Variants in TDRD3 observed in about 807,000 individuals in gnomAD.
TDRD3 encodes tudor domain-containing protein 3.
Under a neutral mutation model 86.7 loss-of-function variants are expected in TDRD3, and 45 were observed. The observed-to-expected ratio is 0.52, with a 90% CI of 0.41 to 0.67. The LOEUF (loss-of-function observed/expected upper bound fraction) is 0.67, where lower values mean the gene tolerates loss of function less well. TDRD3 is among the 30% of genes least tolerant of loss of function. The pLI is 0.00. For synonymous variants in TDRD3, 298 were observed against 301.7 expected, an observed-to-expected ratio of 0.99 and a Z score of 0.13; for missense variants, 814 against 889.0, an observed-to-expected ratio of 0.92 and a Z score of 1.07.
intron 8 of TDRD3, among the ~76,000 whole-genome samples, chr13:60,505,066 C>G (rs61968680): frequency 6.6e-6 from 1 of 152,106 alleles, no homozygotes; most frequent in African/African-American, 2.4e-5. Flanking sequence ...ACCCCAGTGA[C>G]GCCTGGAATG....
intron 8 of TDRD3, among the ~76,000 whole-genome samples, chr13:60,502,683 C>T (rs1956858735): frequency 6.6e-6 from 1 of 152,062 alleles, no homozygotes; most frequent in African/African-American, 2.4e-5. Flanking sequence ...CCAGGAGCTC[C>T]TGGTCCTGTT....
chr13:60,470,236 A>G (rs1439597140), intron 5 of TDRD3, among the ~76,000 whole-genome samples: 2 of 152,180 alleles, frequency 1.3e-5, no homozygotes, highest in African/African-American at 4.8e-5. Flanking sequence ...AAGGTTGGAT[A>G]GTACTCTATA....
chr13:60,556,081 C>T (rs1351981052), intron 12 of TDRD3, among the ~76,000 whole-genome samples: 1 of 152,058 alleles, frequency 6.6e-6, no homozygotes, highest in Non-Finnish European at 1.5e-5. Context: ...CTCCTGACCT[C>T]GTGATCTGCC....
chr13:60,416,224 A>AT lies in TDRD3; in HGVS notation c.41+18824dup, dbSNP rs574638034. Among the ~76,000 whole-genome samples, 271 of 152,292 alleles carry AT rather than the reference A, an allele frequency of 1.8e-3. 1 individual carries two copies. The highest frequency in any genetic ancestry group is 3.3e-3 in the Admixed American group (50 of 15,296). On this transcript the variant is annotated intron_variant, in intron 1 of 13. Coordinates refer to ENST00000377881, the MANE Select transcript of TDRD3 (RefSeq NM_001146070.2). ...GTTTCTCTAAGTGTAAAGTGTAAAG[A>AT]TTTTTAGAGGAAGATGTGGAAGTAC...
chr13:60,448,437 T>A (rs1336308990), intron 3 of TDRD3, among the ~76,000 whole-genome samples: 1 of 152,170 alleles, frequency 6.6e-6, no homozygotes. Context: ...GCTCAGGTTC[T>A]TTTCTCTTTC....
intron 1 of TDRD3, among the ~76,000 whole-genome samples, chr13:60,420,649 A>G (rs1299539474): frequency 6.6e-6 from 1 of 152,118 alleles, no homozygotes; most frequent in African/African-American, 2.4e-5. Flanking sequence ...TTGATTGAAA[A>G]TCTGTTGACC....
At chr13:60,467,771 T>G (rs1449383297) in intron 5 of TDRD3, among the ~76,000 whole-genome samples, 5 of 152,246 alleles carry the variant, frequency 3.3e-5, no homozygotes, top group Non-Finnish European at 7.3e-5. Flanking sequence ...AGAATTTCAC[T>G]GTAATGGAGG....
At chr13:60,447,585 C>G (rs1274680369) in intron 3 of TDRD3, among the ~76,000 whole-genome samples, 1 of 152,058 alleles carries the variant, frequency 6.6e-6, no homozygotes, top group Non-Finnish European at 1.5e-5. Context: ...GAGAGATCTT[C>G]AAGGGGATTC....
intron 12 of TDRD3, among the ~76,000 whole-genome samples, chr13:60,563,597 T>A (rs1958387017): frequency 6.6e-6 from 1 of 152,196 alleles, no homozygotes; most frequent in Non-Finnish European, 1.5e-5. Context: ...CTCTACCCAT[T>A]AGAGGGAATA....
In TDRD3 at chr13:60,509,667, G is replaced by A. The variant is rs1030145646; in HGVS notation, c.859-96G>A. ...GAATGACATTTTTACATAAGTATGG[G>A]ATGTAATTTTTAGTTAAAAGACAGT... On this transcript the variant is annotated intron_variant, in intron 8 of 13. Transcript: ENST00000377881. 3.6e-6 allele frequency: 5 copies of A among 1,407,284 alleles called. No homozygotes were observed. The South Asian group carries it at 4.9e-5, about 14-fold the overall frequency. The allele number at this position is 1,407,284 out of a possible 1,614,324, so 87.2% of individuals were successfully genotyped here. A position where few individuals can be genotyped will look rare whatever the true frequency, so the allele number is the denominator to read the frequency against.
chr13:60,436,506 C>T (rs1372418886), intron 1 of TDRD3, among the ~76,000 whole-genome samples: 1 of 152,032 alleles, frequency 6.6e-6, no homozygotes, highest in African/African-American at 2.4e-5. Flanking sequence ...GCCAGTTTTC[C>T]CAGCACCATT....
At chr13:60,559,479 T>A (rs1352772295) in intron 12 of TDRD3, among the ~76,000 whole-genome samples, 1 of 152,198 alleles carries the variant, frequency 6.6e-6, no homozygotes, top group Non-Finnish European at 1.5e-5. Flanking sequence ...TACACATTTT[T>A]AAAAATTATA....
intron 1 of TDRD3, among the ~76,000 whole-genome samples, chr13:60,437,421 C>T (rs1955148089): frequency 6.6e-6 from 1 of 151,854 alleles, no homozygotes; most frequent in Non-Finnish European, 1.5e-5. Flanking sequence ...CCACTGTGCC[C>T]AGCTGAAAAT....
intron 1 of TDRD3, among the ~76,000 whole-genome samples, chr13:60,410,716 G>T (rs558353398): frequency 4.5e-4 from 69 of 152,266 alleles, no homozygotes; most frequent in Admixed American, 9.8e-4. Context: ...GATGGATAGG[G>T]TAGGGTTAGT....
Position 60,510,706 on chromosome 13 carries a change from C to A in TDRD3, c.1092C>A (p.Ser364Arg), listed in dbSNP as rs963545108. 6.3e-7 allele frequency: 1 copy of A among 1,598,694 alleles called. No homozygotes were observed. The highest frequency in any genetic ancestry group is 8.5e-7 in the Non-Finnish European group (1 of 1,173,030). The change falls in exon 10 of 14, where the codon AGC becomes AGA. Residue 364 changes from serine (S) to arginine (R), a missense_variant. Physicochemically the swap from Ser to Arg is moderately radical, Grantham distance 110 (BLOSUM62 -1). Transcript: ENST00000377881. ...GAAATGCAAGGCCATCAGCACCAAG[C>A]ACATTATTTGATTTCTTGGAATCTA... ...DLGNARPSAP[S>R]TLFDFLESKM...
intron 2 of TDRD3, 135 bp downstream of exon 2, chr13:60,439,907 T>C: frequency 1.8e-6 from 1 of 549,052 alleles, no homozygotes; most frequent in Non-Finnish European, 3.1e-6. Context: ...TAAGTTGTAG[T>C]GATGATGTTT....
At chr13:60,475,106 G>A (rs1188949428) in intron 5 of TDRD3, among the ~76,000 whole-genome samples, 1 of 149,122 alleles carries the variant, frequency 6.7e-6, no homozygotes, top group African/African-American at 2.5e-5. Flanking sequence ...TTTATTTTAG[G>A]TTAAGGAGGT....
At chr13:60,542,057 C>T (rs1429666100) in intron 12 of TDRD3, among the ~76,000 whole-genome samples, 4 of 151,994 alleles carry the variant, frequency 2.6e-5, no homozygotes, top group African/African-American at 9.7e-5. Context: ...GAAGCATCAT[C>T]GGTGAGAGCC....
chr13:60,404,298 G>C (rs1954177320), intron 1 of TDRD3, among the ~76,000 whole-genome samples: 1 of 149,370 alleles, frequency 6.7e-6, no homozygotes, highest in South Asian at 2.1e-4. Context: ...TGTTGTTGTT[G>C]TTGGTTTGTT....
Sources: gnomAD v4.1 joint callset for allele counts (sites outside exome capture counted in the v4.1 genomes callset) on GRCh38, gnomAD v4.1.1 for gene constraint, MANE v1.5 for transcripts, NCBI Gene and HGNC (gene_info 2026-07-23, HGNC 2026-07-21) for gene names.